Variants in KCNIP4 observed in about 807,000 individuals in gnomAD.
KCNIP4 encodes the protein potassium voltage-gated channel interacting protein 4.
Under a neutral mutation model 34.0 loss-of-function variants are expected in KCNIP4, and 12 were observed. That is an observed-to-expected ratio of 0.35 (90% CI 0.23 to 0.57). KCNIP4 has a LOEUF of 0.57. Ranked by LOEUF, KCNIP4 falls within the 20% of genes least tolerant of loss-of-function variation. The pLI, the probability that KCNIP4 is intolerant of heterozygous loss-of-function variation, is 0.83. For synonymous variants in KCNIP4, 124 were observed against 102.2 expected (o/e 1.21, Z -1.29); for missense variants, 238 against 311.7 (o/e 0.76, Z 1.78).
chr4:21,502,582 TG>T (rs1733459434), intron 1 of KCNIP4, among the ~76,000 whole-genome samples: 1 of 152,200 alleles, frequency 6.6e-6, no homozygotes, highest in Non-Finnish European at 1.5e-5. Context: ...AAATGTTCCC[TG>T]AATACACGAC....
intron 1 of KCNIP4, among the ~76,000 whole-genome samples, chr4:21,295,781 A>C (rs1763804726): frequency 6.6e-6 from 1 of 152,098 alleles, no homozygotes; most frequent in East Asian, 1.9e-4. Flanking sequence ...ATATTGGATT[A>C]TATATTCCTA....
intron 3 of KCNIP4, among the ~76,000 whole-genome samples, chr4:20,786,709 C>T (rs893242936): frequency 8.5e-5 from 13 of 152,088 alleles, no homozygotes; most frequent in African/African-American, 2.9e-4. Flanking sequence ...CTTTATAATA[C>T]ATATGGCCAC....
intron 1 of KCNIP4, among the ~76,000 whole-genome samples, chr4:21,758,973 G>C (rs764467363): frequency 2.6e-5 from 4 of 152,050 alleles, no homozygotes; most frequent in Non-Finnish European, 5.9e-5. Context: ...GTTTGTGTGA[G>C]AAATTAACTG....
At chr4:20,812,840 G>A (rs530379329) in intron 3 of KCNIP4, among the ~76,000 whole-genome samples, 1 of 152,232 alleles carries the variant, frequency 6.6e-6, no homozygotes, top group East Asian at 1.9e-4. Context: ...AAATACTAAG[G>A]ATAGGGGAGG....
At chr4:21,166,768 G>A (rs761569870) in intron 1 of KCNIP4, among the ~76,000 whole-genome samples, 6 of 151,848 alleles carry the variant, frequency 4.0e-5, no homozygotes, top group Admixed American at 6.6e-5. Context: ...GCAAAACCCC[G>A]TCTCTGCTAA....
intron 1 of KCNIP4, among the ~76,000 whole-genome samples, chr4:21,218,840 AG>A (rs1402791304): frequency 6.6e-6 from 1 of 152,114 alleles, no homozygotes; most frequent in Non-Finnish European, 1.5e-5. Context: ...TCTTAGTAAA[AG>A]TAGTGTGATA....
chr4:21,522,470 G>A lies in KCNIP4; in HGVS notation c.61+426101C>T, dbSNP rs138869445. 5.9e-5 allele frequency among the ~76,000 whole-genome samples: 9 copies of A among 151,968 alleles called. No individual in the cohort carries two copies. In the South Asian group the frequency reaches 1.5e-3, roughly 25 times the overall value. ...CAGCCTCTAACTCCTGGGCTCAAGCGATCTTCCGGCCTCCTGAGTAGCTAT... is the reference window on the plus strand; with the variant it reads ...CAGCCTCTAACTCCTGGGCTCAAGCAATCTTCCGGCCTCCTGAGTAGCTAT... On this transcript the variant is annotated intron_variant, in intron 1 of 8. Coordinates refer to ENST00000382152, the MANE Select transcript of KCNIP4 (RefSeq NM_025221.6).
At chr4:20,935,495 A>C (rs1421668727) in intron 1 of KCNIP4, among the ~76,000 whole-genome samples, 1 of 152,138 alleles carries the variant, frequency 6.6e-6, no homozygotes, top group East Asian at 1.9e-4. Flanking sequence ...GTATCAAGAT[A>C]TCTCCATACC....
At chr4:21,016,003 A>G (rs960277170) in intron 1 of KCNIP4, among the ~76,000 whole-genome samples, 5 of 146,584 alleles carry the variant, frequency 3.4e-5, no homozygotes, top group African/African-American at 9.9e-5. Flanking sequence ...ATAAAAGAGT[A>G]TATAAATATA....
chr4:21,807,093 A>C (rs557132126), intron 1 of KCNIP4, among the ~76,000 whole-genome samples: 1 of 152,236 alleles, frequency 6.6e-6, no homozygotes, highest in East Asian at 1.9e-4. Context: ...AGGAGCATGC[A>C]ACCTAGAGCC....
chr4:21,261,746 C>T (rs906667827), intron 1 of KCNIP4, among the ~76,000 whole-genome samples: 32 of 152,214 alleles, frequency 2.1e-4, no homozygotes, highest in African/African-American at 6.7e-4. Context: ...CAAGCTAGTG[C>T]CATCAACCTC....
At chr4:21,778,612 T>C (rs1056813317) in intron 1 of KCNIP4, among the ~76,000 whole-genome samples, 18 of 152,156 alleles carry the variant, frequency 1.2e-4, no homozygotes. Context: ...AGACACTGCA[T>C]ATTGTAACAT....
At chr4:21,270,149 C>T (rs549876214) in intron 1 of KCNIP4, among the ~76,000 whole-genome samples, 21 of 152,270 alleles carry the variant, frequency 1.4e-4, no homozygotes, top group East Asian at 7.7e-4. Context: ...CAGGCTCTGA[C>T]GGTGTTAAGC....
intron 1 of KCNIP4, among the ~76,000 whole-genome samples, chr4:21,647,542 T>G (rs1000019842): frequency 3.9e-5 from 6 of 152,152 alleles, no homozygotes; most frequent in African/African-American, 1.4e-4. Flanking sequence ...TATTAAGAAG[T>G]TGACAGATAA....
At chr4:21,582,739 T>C (rs1741328119) in intron 1 of KCNIP4, among the ~76,000 whole-genome samples, 1 of 151,904 alleles carries the variant, frequency 6.6e-6, no homozygotes, top group Admixed American at 6.6e-5. Flanking sequence ...ATCCAACTTA[T>C]AAATAAACTA....
rs555258979 is a variant in KCNIP4 at position 21,239,375 on chromosome 4, G to C, written c.62-356666C>G. On this transcript the variant is annotated intron_variant, in intron 1 of 8. Transcript: ENST00000382152. ...GCAACAAAAGCCAAAATTGACAAAT[G>C]GGATCTAATTAAACTAAAGAGCTTC... Among the ~76,000 whole-genome samples, 928 of 151,402 alleles carry C rather than the reference G, an allele frequency of 6.1e-3. 13 individuals are homozygous for C. Among genetic ancestry groups the C allele is most frequent in the African/African-American group, 0.02 (817 of 41,112 alleles).
chr4:21,748,745 T>C (rs1359298528), intron 1 of KCNIP4, among the ~76,000 whole-genome samples: 1 of 152,132 alleles, frequency 6.6e-6, no homozygotes, highest in African/African-American at 2.4e-5. Flanking sequence ...TCATCTGAAC[T>C]GGCAAAGAAA....
chr4:21,347,733 T>C (rs1717593392), intron 1 of KCNIP4, among the ~76,000 whole-genome samples: 1 of 152,230 alleles, frequency 6.6e-6, no homozygotes, highest in African/African-American at 2.4e-5. Context: ...AGCATCTTTT[T>C]GTAATGTGAC....
intron 1 of KCNIP4, among the ~76,000 whole-genome samples, chr4:21,302,031 T>C (rs1376808781): frequency 1.3e-5 from 2 of 152,210 alleles, no homozygotes; most frequent in African/African-American, 4.8e-5. Flanking sequence ...ATGAAGTTTA[T>C]ATTAAAGTTT....
Sources: gnomAD v4.1 joint callset for allele counts (sites outside exome capture counted in the v4.1 genomes callset) on GRCh38, gnomAD v4.1.1 for gene constraint, MANE v1.5 for transcripts, NCBI Gene and HGNC (gene_info 2026-07-23, HGNC 2026-07-21) for gene names.